HS3ST4: variants seen among roughly 807,000 people sequenced by gnomAD.
The protein encoded by HS3ST4 is heparan sulfate-glucosamine 3-sulfotransferase 4, also known as heparan sulfate glucosamine 3-O-sulfotransferase 4.
HS3ST4 carries 17 observed loss-of-function variants against 29.2 expected under a neutral mutation model. The observed-to-expected ratio is 0.58, with a 90% CI of 0.40 to 0.87. The LOEUF is 0.87. Ranked by LOEUF, HS3ST4 falls within the 40% of genes least tolerant of loss-of-function variation. HS3ST4 has a pLI of 0.00. For missense variants in HS3ST4, 627 were observed against 634.5 expected, an observed-to-expected ratio of 0.99 and a Z score of 0.13; for synonymous variants, 314 against 285.7, an observed-to-expected ratio of 1.10 and a Z score of -1.00.
chr16:26,031,380 C>T (rs927204913), intron 1 of HS3ST4, among the ~76,000 whole-genome samples: 2 of 152,152 alleles, frequency 1.3e-5, no homozygotes, highest in African/African-American at 4.8e-5. Flanking sequence ...ACGAGGCTCC[C>T]GAATCTGACT....
rs956868806 is a variant in HS3ST4, at chr16:26,137,470, C to G, written c.*1222C>G. 2.0e-5 allele frequency: 3 copies of G among 152,274 alleles called. No individual in the cohort carries two copies. Among genetic ancestry groups the G allele is most frequent in the African/African-American group, 7.2e-5 (3 of 41,566 alleles). 9.4% of individuals were successfully genotyped at this position (152,274 alleles called of 1,614,324 possible). A position where few individuals can be genotyped will look rare whatever the true frequency, so the allele number is the denominator to read the frequency against. On this transcript the variant is annotated 3_prime_UTR_variant, in exon 2 of 2. Transcript: ENST00000331351. Reference sequence around the variant, plus strand: ...TGTCTGCAGAAACCCCCATCAAGAGCTGCTGAATGAAGTGTCCCTTCCCAT... The same window carrying G: ...TGTCTGCAGAAACCCCCATCAAGAGGTGCTGAATGAAGTGTCCCTTCCCAT...
intron 1 of HS3ST4, among the ~76,000 whole-genome samples, chr16:25,913,130 A>C (rs186115504): frequency 6.6e-6 from 1 of 152,316 alleles, no homozygotes; most frequent in East Asian, 1.9e-4. Flanking sequence ...AGAAAGGCAG[A>C]TTCTGATGGG....
intron 1 of HS3ST4, among the ~76,000 whole-genome samples, chr16:25,806,845 G>A (rs1171999220): frequency 6.6e-6 from 1 of 152,114 alleles, no homozygotes; most frequent in African/African-American, 2.4e-5. Flanking sequence ...GCATATGTGT[G>A]CATATGGGTG....
chr16:25,972,585 G>T (rs1968908567), intron 1 of HS3ST4, among the ~76,000 whole-genome samples: 1 of 152,206 alleles, frequency 6.6e-6, no homozygotes, highest in Non-Finnish European at 1.5e-5. Context: ...CTCCCAACAT[G>T]TCAGCTTGAT....
intron 1 of HS3ST4, among the ~76,000 whole-genome samples, chr16:25,814,193 T>C (rs1444799482): frequency 6.6e-6 from 1 of 152,196 alleles, no homozygotes; most frequent in Non-Finnish European, 1.5e-5. Context: ...AGTTGAACAC[T>C]GAACAACTGT....
chr16:25,746,362 T>C (rs1319436455), intron 1 of HS3ST4, among the ~76,000 whole-genome samples: 3 of 152,138 alleles, frequency 2.0e-5, no homozygotes, highest in Non-Finnish European at 4.4e-5. Flanking sequence ...AAGGAATTTT[T>C]CCAAACAAAT....
At chr16:25,917,483 T>C (rs181855208) in intron 1 of HS3ST4, among the ~76,000 whole-genome samples, 1 of 152,348 alleles carries the variant, frequency 6.6e-6, no homozygotes, top group Non-Finnish European at 1.5e-5. Context: ...AGTGCTGAGA[T>C]TATAGGCCTG....
chr16:25,962,939 A>G (rs569372230), intron 1 of HS3ST4, among the ~76,000 whole-genome samples: 5 of 152,288 alleles, frequency 3.3e-5, no homozygotes, highest in Admixed American at 2.0e-4. Flanking sequence ...TCCTATTACT[A>G]TGAGTGCCAT....
intron 1 of HS3ST4, among the ~76,000 whole-genome samples, chr16:26,116,058 T>C (rs1027966298): frequency 9.9e-5 from 15 of 152,216 alleles, no homozygotes; most frequent in African/African-American, 3.6e-4. Context: ...AAAGATCCAA[T>C]CAAGGTGTTG....
At position 25,793,384 on chromosome 16, in the gene HS3ST4, TAA is replaced by T. The variant is rs1352742996; in HGVS notation, c.734+100235_734+100236del. On this transcript the variant is annotated intron_variant, in intron 1 of 1. Coordinates refer to ENST00000331351, the MANE Select transcript of HS3ST4 (RefSeq NM_006040.3). ...ACTGTGAGTTACTGGGAGAGTTTGT[TAA>T]AGTCTTCTATTATGTTTGTGCATTT... 3.9e-5 allele frequency among the ~76,000 whole-genome samples: 6 copies of T among 152,076 alleles called. No homozygotes were observed. In the East Asian group the frequency reaches 1.2e-3, roughly 29 times the overall value.
chr16:25,865,637 G>T (rs1208408276), intron 1 of HS3ST4, among the ~76,000 whole-genome samples: 1 of 152,190 alleles, frequency 6.6e-6, no homozygotes, highest in Non-Finnish European at 1.5e-5. Context: ...ATAGACCAAT[G>T]AAACATAATA....
At chr16:25,772,256 G>A (rs898782241) in intron 1 of HS3ST4, among the ~76,000 whole-genome samples, 3 of 152,188 alleles carry the variant, frequency 2.0e-5, no homozygotes, top group Non-Finnish European at 4.4e-5. Flanking sequence ...GTCTTAAACT[G>A]AGCCTTGAAG....
At chr16:25,759,404 C>G (rs575885007) in intron 1 of HS3ST4, among the ~76,000 whole-genome samples, 5 of 152,170 alleles carry the variant, frequency 3.3e-5, no homozygotes, top group Non-Finnish European at 4.4e-5. Context: ...AAGAAAACAG[C>G]GTTTCTGCCT....
chr16:25,863,397 G>A (rs768310455), intron 1 of HS3ST4, among the ~76,000 whole-genome samples: 3 of 152,060 alleles, frequency 2.0e-5, no homozygotes, highest in Admixed American at 6.6e-5. Flanking sequence ...GAAGTCTTAT[G>A]TGTTCTACTC....
intron 1 of HS3ST4, among the ~76,000 whole-genome samples, chr16:25,718,424 G>A (rs1966472236): frequency 6.6e-6 from 1 of 152,102 alleles, no homozygotes; most frequent in African/African-American, 2.4e-5. Context: ...TGTCGGAGCT[G>A]CTTTCTGGTC....
At chr16:25,727,332 T>C (rs1966542830) in intron 1 of HS3ST4, among the ~76,000 whole-genome samples, 1 of 152,142 alleles carries the variant, frequency 6.6e-6, no homozygotes, top group South Asian at 2.1e-4. Flanking sequence ...TATAGAGATA[T>C]GAAGCAATCT....
At chr16:25,924,931 T>A (rs1968388187) in intron 1 of HS3ST4, among the ~76,000 whole-genome samples, 1 of 152,072 alleles carries the variant, frequency 6.6e-6, no homozygotes, top group African/African-American at 2.4e-5. Context: ...ATTAGGGTGC[T>A]TTGATTGCAA....
At chr16:25,880,072 A>G (rs1967878183) in intron 1 of HS3ST4, among the ~76,000 whole-genome samples, 1 of 152,194 alleles carries the variant, frequency 6.6e-6, no homozygotes, top group African/African-American at 2.4e-5. Flanking sequence ...GGACGCAGCC[A>G]AACCAGATTA....
intron 1 of HS3ST4, among the ~76,000 whole-genome samples, chr16:25,808,189 A>G (rs888493023): frequency 1.3e-5 from 2 of 152,168 alleles, no homozygotes; most frequent in Non-Finnish European, 2.9e-5. Flanking sequence ...TGTCAAGTCT[A>G]AGAATTCTTT....
Sources: gnomAD v4.1 joint callset for allele counts (sites outside exome capture counted in the v4.1 genomes callset) on GRCh38, gnomAD v4.1.1 for gene constraint, MANE v1.5 for transcripts, NCBI Gene and HGNC (gene_info 2026-07-23, HGNC 2026-07-21) for gene names.